The following VSTM2B variants were observed in gnomAD, a reference collection of about 807,000 sequenced individuals.
The protein encoded by VSTM2B is V-set and transmembrane domain containing 2B.
In VSTM2B, 24 loss-of-function variants were observed where a neutral mutation model predicts 24.0. The ratio of observed to expected loss-of-function variants is 1.00; its 90% CI spans 0.72 to 1.40. The LOEUF is 1.40. Ranked by LOEUF, VSTM2B falls within the 40% of genes most tolerant of loss-of-function variation. The pLI, the probability that VSTM2B is intolerant of heterozygous loss-of-function variation, is 0.00. For synonymous variants in VSTM2B, 226 were observed against 194.4 expected (o/e 1.16, Z -1.35); for missense variants, 399 against 416.4 (o/e 0.96, Z 0.36).
intron 4 of VSTM2B, among the ~76,000 whole-genome samples, chr19:29,533,799 C>T (rs1299688178): frequency 6.6e-6 from 1 of 152,222 alleles, no homozygotes; most frequent in East Asian, 1.9e-4. Flanking sequence ...GCCAGTGCCC[C>T]GAGCTCAGCT....
intron 4 of VSTM2B, among the ~76,000 whole-genome samples, chr19:29,551,472 G>T (rs1342588217): frequency 7.2e-5 from 11 of 152,004 alleles, no homozygotes; most frequent in Admixed American, 7.2e-4. Context: ...TGGGGGGCAG[G>T]GGGAAGTAGA....
At chr19:29,527,468 G>C (rs1330873396) in intron 2 of VSTM2B, 73 bp downstream of exon 2, 1 of 1,318,748 alleles carries the variant, frequency 7.6e-7, no homozygotes, top group East Asian at 2.9e-5. Context: ...ACCCAGGGAG[G>C]GAAGCAGCGG....
Position 29,563,863 on chromosome 19 carries a change from AC to A in VSTM2B, c.789del (p.Thr264GlnfsTer10), listed in dbSNP as rs764874446. The A allele has an allele frequency of 7.1e-6, 11 of 1,552,080 alleles. No homozygotes were observed. The highest frequency in any genetic ancestry group is 1.4e-5 in the African/African-American group (1 of 72,980). On this transcript the variant is annotated frameshift_variant, in exon 5 of 5. Transcript: ENST00000335523. LOFTEE classifies it high-confidence loss of function. ...CCCTGCAGGCACCGGCCGTAGCTAC[AC>A]CACAGACCCACTCTTGTCCCTGCTC... is the stretch of plus-strand genomic sequence containing the variant. ...RHGSGTGRSY[T>X]TDPLLSLLLL...
At chr19:29,527,465 G>C in intron 2 of VSTM2B, 70 bp downstream of exon 2, 1 of 1,342,612 alleles carries the variant, frequency 7.4e-7, no homozygotes, top group South Asian at 1.7e-5. Flanking sequence ...CTAACCCAGG[G>C]AGGGAAGCAG....
chr19:29,537,190 TGAA>T (rs1442647306), intron 4 of VSTM2B, among the ~76,000 whole-genome samples: 3 of 152,268 alleles, frequency 2.0e-5, no homozygotes, highest in African/African-American at 7.2e-5. Flanking sequence ...CTATTCCTGA[TGAA>T]GAATGACACA....
chr19:29,535,479 T>C (rs75673464), intron 4 of VSTM2B, among the ~76,000 whole-genome samples: 3 of 152,042 alleles, frequency 2.0e-5, no homozygotes, highest in Admixed American at 2.0e-4. Context: ...GAGAGCCGGC[T>C]GGATGTGGCA....
Position 29,529,939 on chromosome 19 carries a change from C to T in VSTM2B, c.418C>T (p.His140Tyr). The change falls in exon 4 of 5, where the codon CAC becomes TAC. Residue 140 changes from histidine to tyrosine, a missense_variant. Transcript: ENST00000335523. ...CTACAGCGACGACGACACGCAGGAGCACAAGGCCCAGGCGATGCTGCGCGT... is the reference window on the plus strand; with the variant it reads ...CTACAGCGACGACGACACGCAGGAGTACAAGGCCCAGGCGATGCTGCGCGT... ...SDYSDDDTQEHKAQAMLRVLS... is the reference protein window; with the variant it reads ...SDYSDDDTQEYKAQAMLRVLS... 6 of 1,549,816 alleles carry T rather than the reference C, an allele frequency of 3.9e-6. No homozygotes were observed. Among genetic ancestry groups the T allele is most frequent in the Non-Finnish European group, 4.4e-6 (5 of 1,146,804 alleles).
chr19:29,532,068 C>T (rs1431312845), intron 4 of VSTM2B, among the ~76,000 whole-genome samples: 1 of 152,234 alleles, frequency 6.6e-6, no homozygotes, highest in African/African-American at 2.4e-5. Context: ...GATGAATCAA[C>T]TTGTTTCATA....
At chr19:29,546,363 A>G (rs1342628767) in intron 4 of VSTM2B, among the ~76,000 whole-genome samples, 1 of 152,170 alleles carries the variant, frequency 6.6e-6, no homozygotes, top group Admixed American at 6.5e-5. Context: ...GGACTCATTC[A>G]TAGGTACCAA....
At chr19:29,544,443 G>A (rs949040324) in intron 4 of VSTM2B, among the ~76,000 whole-genome samples, 5 of 148,048 alleles carry the variant, frequency 3.4e-5, no homozygotes, top group Non-Finnish European at 5.9e-5. Context: ...GGAGAATGGC[G>A]TGAACCCGGG....
intron 4 of VSTM2B, among the ~76,000 whole-genome samples, chr19:29,540,163 G>A (rs1447210760): frequency 1.3e-5 from 2 of 152,250 alleles, no homozygotes; most frequent in Non-Finnish European, 2.9e-5. Context: ...CATCACATCA[G>A]GCTCAGTCCG....
chr19:29,545,992 C>A (rs1970146482), intron 4 of VSTM2B, among the ~76,000 whole-genome samples: 1 of 151,996 alleles, frequency 6.6e-6, no homozygotes, highest in Non-Finnish European at 1.5e-5. Flanking sequence ...CTGCTGCCCC[C>A]GCCCAGGTGA....
chr19:29,548,486 C>T (rs144281047), intron 4 of VSTM2B, among the ~76,000 whole-genome samples: 1 of 152,216 alleles, frequency 6.6e-6, no homozygotes, highest in African/African-American at 2.4e-5. Context: ...ACCCGAACTC[C>T]GTTAGTGTTC....
Position 29,526,690 on chromosome 19 carries a change from C to A in VSTM2B, c.82+25C>A. 6.6e-7 allele frequency: 1 copy of A among 1,522,508 alleles called. No homozygotes were observed. Among genetic ancestry groups the A allele is most frequent in the Non-Finnish European group, 8.8e-7 (1 of 1,139,050 alleles). 94.3% of individuals were successfully genotyped at this position (1,522,508 alleles called of 1,614,324 possible). On this transcript the variant is annotated intron_variant, in intron 1 of 4. Coordinates refer to ENST00000335523, the MANE Select transcript of VSTM2B (RefSeq NM_001146339.2). The surrounding 1 kb of genome is among the most constrained non-coding windows in gnomAD (Gnocchi z 4.1). ...GGTGAGCGCGGGAACTTTGCTGCCG[C>A]TGTGGACTCGGGGGGGTCTTTGCTG...
intron 4 of VSTM2B, among the ~76,000 whole-genome samples, chr19:29,535,768 G>T (rs1969875000): frequency 6.6e-6 from 1 of 152,162 alleles, no homozygotes; most frequent in South Asian, 2.1e-4. Context: ...TCGCGATGCA[G>T]CAGAGTCACC....
chr19:29,561,417 A>T (rs1970522658), intron 4 of VSTM2B, among the ~76,000 whole-genome samples: 1 of 152,194 alleles, frequency 6.6e-6, no homozygotes, highest in Non-Finnish European at 1.5e-5. Context: ...TGAGGTCAGG[A>T]GTTCGAGACA....
chr19:29,535,597 T>C (rs1969869406), intron 4 of VSTM2B, among the ~76,000 whole-genome samples: 1 of 152,196 alleles, frequency 6.6e-6, no homozygotes, highest in Middle Eastern at 3.2e-3. Context: ...AGGCTGTGGC[T>C]GCTGGGAGCC....
rs559100884 is a variant in VSTM2B, at chr19:29,526,425, G to A, written c.-159G>A. 4.7e-5 allele frequency: 12 copies of A among 255,972 alleles called. No individual in the cohort carries two copies. In the South Asian group the frequency reaches 1.8e-3, roughly 38 times the overall value. 15.9% of individuals were successfully genotyped at this position (255,972 alleles called of 1,614,324 possible). On this transcript the variant is annotated 5_prime_UTR_variant, in exon 1 of 5. Transcript: ENST00000335523. The surrounding 1 kb of genome is among the most constrained non-coding windows in gnomAD (Gnocchi z 4.1). ...GCACCGGGCAAGCCGGCGAGGGAGC[G>A]GGGCTGATTGGCGGCCGCCGGCGGC...
At chr19:29,533,144 G>A (rs1969799458) in intron 4 of VSTM2B, among the ~76,000 whole-genome samples, 1 of 152,184 alleles carries the variant, frequency 6.6e-6, no homozygotes, top group South Asian at 2.1e-4. Flanking sequence ...CAGAAGATAT[G>A]GAGGTCCTCA....
Sources: allele counts gnomAD v4.1 joint callset (sites outside exome capture counted in the v4.1 genomes callset), GRCh38; gene constraint gnomAD v4.1.1; non-coding constraint Gnocchi (gnomAD v3.1); transcripts MANE v1.5; gene names NCBI Gene and HGNC (gene_info 2026-07-23, HGNC 2026-07-21).